Variants in DMD observed in about 807,000 individuals in gnomAD.
The protein encoded by DMD is mutant dystrophin.
In DMD, 63 loss-of-function variants were observed where a neutral mutation model predicts 330.1. That is an observed-to-expected ratio of 0.19 (90% confidence interval 0.16 to 0.24). The LOEUF (loss-of-function observed/expected upper bound fraction) is 0.24, where lower values mean the gene tolerates loss of function less well. DMD is among the 10% of genes least tolerant of loss of function. The pLI, the probability that DMD is intolerant of heterozygous loss-of-function variation, is 1.00. For synonymous variants in DMD, 1,223 were observed against 959.8 expected, an observed-to-expected ratio of 1.27 and a Z score of -5.07; for missense variants, 3,344 against 2,684.1, an observed-to-expected ratio of 1.25 and a Z score of -5.43.
chrX:31,857,527 T>C (rs1429590837), intron 48 of DMD, among the ~76,000 whole-genome samples: 1 of 110,416 alleles, frequency 9.1e-6, no homozygotes, highest in African/African-American at 3.3e-5. Flanking sequence ...TTTAAATAAT[T>C]ATGGATGTTT....
chrX:33,219,256 G>A (rs1043603726), intron 1 of DMD, among the ~76,000 whole-genome samples: 1 of 108,241 alleles, frequency 9.2e-6, no homozygotes, highest in Non-Finnish European at 1.9e-5. Flanking sequence ...CCAGGTGGGA[G>A]TGAAGGTCCT....
At chrX:32,042,087 ACAT>A (rs1437847593) in intron 44 of DMD, among the ~76,000 whole-genome samples, 5 of 93,004 alleles carry the variant, frequency 5.4e-5, no homozygotes, top group African/African-American at 1.6e-4. Context: ...ATACACACAC[ACAT>A]ATGTATACAT....
intron 43 of DMD, among the ~76,000 whole-genome samples, chrX:32,273,617 G>T (rs331345): frequency 1.8e-5 from 2 of 109,648 alleles, no homozygotes; most frequent in African/African-American, 6.6e-5. Context: ...CCAATGAAGC[G>T]TAAGTGGAAA....
chrX:32,129,648 A>G (rs865913008), intron 44 of DMD, among the ~76,000 whole-genome samples: 2 of 108,763 alleles, frequency 1.8e-5, no homozygotes, highest in Middle Eastern at 4.7e-3. Context: ...GTCCCTATAG[A>G]TAGGAATTGG....
intron 7 of DMD, among the ~76,000 whole-genome samples, chrX:32,805,933 G>A (rs768975598): frequency 1.8e-5 from 2 of 112,002 alleles, no homozygotes; most frequent in African/African-American, 3.2e-5. Flanking sequence ...CCTTCAGGAA[G>A]CACTAAATAT....
intron 67 of DMD, among the ~76,000 whole-genome samples, chrX:31,185,734 T>G (rs748805637): frequency 2.7e-5 from 3 of 110,517 alleles, no homozygotes; most frequent in African/African-American, 9.8e-5. Context: ...GATTTCTTTC[T>G]TTTTCCACCT....
chrX:33,262,817 A>G (rs915342929), intron 1 of DMD, among the ~76,000 whole-genome samples: 10 of 110,945 alleles, frequency 9.0e-5, no homozygotes, highest in Non-Finnish European at 1.9e-4. Flanking sequence ...CCGATGAGTG[A>G]AAGGGAAAAA....
chrX:32,715,437 A>C (rs1481884299), intron 7 of DMD, among the ~76,000 whole-genome samples: 1 of 89,446 alleles, frequency 1.1e-5, no homozygotes, highest in African/African-American at 4.6e-5. Context: ...AGATTGTGCC[A>C]CTGCACATCA....
intron 44 of DMD, among the ~76,000 whole-genome samples, chrX:32,099,452 T>C (rs1035665261): frequency 9.1e-6 from 1 of 110,029 alleles, no homozygotes; most frequent in African/African-American, 3.3e-5. Flanking sequence ...CATATGTTTA[T>C]TGCGGCTCTA....
chrX:33,122,962 A>C (rs1230035250), intron 1 of DMD, among the ~76,000 whole-genome samples: 1 of 112,518 alleles, frequency 8.9e-6, no homozygotes, highest in Non-Finnish European at 1.9e-5. Context: ...TAGGAACTGC[A>C]TAAGGATGTT....
chrX:32,574,599 T>G (rs2052807826), intron 13 of DMD, among the ~76,000 whole-genome samples: 2 of 111,920 alleles, frequency 1.8e-5, no homozygotes, highest in African/African-American at 6.5e-5. Context: ...TATGATGCAC[T>G]TTATAGCCTG....
intron 60 of DMD, among the ~76,000 whole-genome samples, chrX:31,430,213 A>T (rs1344345372): frequency 2.7e-5 from 3 of 111,559 alleles, no homozygotes; most frequent in Non-Finnish European, 5.7e-5. Context: ...TATGCAGAGG[A>T]GGGTAGATCC....
chrX:32,810,698 C>G (rs1461541536), intron 6 of DMD, among the ~76,000 whole-genome samples: 2 of 111,861 alleles, frequency 1.8e-5, no homozygotes, highest in African/African-American at 6.5e-5. Flanking sequence ...TAACTCTTCT[C>G]TCACTCTTGC....
chrX:32,800,305 T>C (rs2076455879), intron 7 of DMD, among the ~76,000 whole-genome samples: 1 of 111,402 alleles, frequency 9.0e-6, no homozygotes, highest in Non-Finnish European at 1.9e-5. Context: ...TCGAAGAGAG[T>C]GTTCTAAGTC....
chrX:32,575,580 A>G (rs145797156), intron 13 of DMD, among the ~76,000 whole-genome samples: 3,677 of 112,455 alleles, frequency 0.033, 135 homozygotes, highest in African/African-American at 0.11. Context: ...AGCAGTATAT[A>G]TAGGTTTTTT....
chrX:31,585,301 G>A (rs753792253), intron 55 of DMD, among the ~76,000 whole-genome samples: 47 of 89,251 alleles, frequency 5.3e-4, no homozygotes, highest in African/African-American at 2.1e-3. Flanking sequence ...TCCAGCCTAG[G>A]CAACAGAGTG....
chrX:32,450,956 G>T (rs1374824442), intron 26 of DMD, among the ~76,000 whole-genome samples: 1 of 110,931 alleles, frequency 9.0e-6, no homozygotes, highest in East Asian at 2.8e-4. Flanking sequence ...AGATGATGAT[G>T]AATTTCTCTA....
At chrX:32,777,031 G>A (rs779754251) in intron 7 of DMD, among the ~76,000 whole-genome samples, 14 of 107,772 alleles carry the variant, frequency 1.3e-4, no homozygotes, top group Admixed American at 2.9e-4. Flanking sequence ...TTTATAGGGC[G>A]TGAGGCCTAT....
At chrX:32,036,193 T>C (rs1188682010) in intron 44 of DMD, among the ~76,000 whole-genome samples, 1 of 110,769 alleles carries the variant, frequency 9.0e-6, no homozygotes, top group Non-Finnish European at 1.9e-5. Flanking sequence ...CAGATTTTTG[T>C]TTTTTAAAAA....
Sources: gnomAD v4.1 joint callset for allele counts (sites outside exome capture counted in the v4.1 genomes callset) on GRCh38, gnomAD v4.1.1 for gene constraint, MANE v1.5 for transcripts, NCBI Gene and HGNC (gene_info 2026-07-23, HGNC 2026-07-21) for gene names.